Variants in TMEM117 observed in about 807,000 individuals in gnomAD.
TMEM117 encodes transmembrane protein 117.
TMEM117 carries 27 observed loss-of-function variants against 52.4 expected under a neutral mutation model. The ratio of observed to expected loss-of-function variants is 0.51; its 90% confidence interval spans 0.38 to 0.71. The LOEUF (loss-of-function observed/expected upper bound fraction) is 0.71. Among genes scored for constraint, TMEM117 ranks in the 30% least tolerant of loss-of-function variants. The pLI is 0.00. For missense variants in TMEM117, 556 were observed against 630.5 expected (o/e 0.88, Z 1.26); for synonymous variants, 215 against 206.3 (o/e 1.04, Z -0.36).
chr12:44,086,869 C>T (rs1947576961), intron 3 of TMEM117, among the ~76,000 whole-genome samples: 1 of 151,176 alleles, frequency 6.6e-6, no homozygotes, highest in South Asian at 2.1e-4. Context: ...TTGTTTCCAT[C>T]GGACAGCAAA....
chr12:44,091,510 C>T (rs1488647575), intron 3 of TMEM117, among the ~76,000 whole-genome samples: 1 of 152,114 alleles, frequency 6.6e-6, no homozygotes, highest in Non-Finnish European at 1.5e-5. Flanking sequence ...GTAATTTGTA[C>T]AATGTCAAAC....
rs549540807 is a variant in TMEM117, at chr12:44,357,558, T to A, written c.769-19037T>A. Among the ~76,000 whole-genome samples the A allele has an allele frequency of 4.6e-5, 7 of 152,126 alleles. No homozygotes were observed. In the South Asian group the frequency reaches 1.0e-3, roughly 23 times the overall value. On this transcript the variant is annotated intron_variant, in intron 6 of 7. Coordinates refer to ENST00000266534, the MANE Select transcript of TMEM117 (RefSeq NM_032256.3). ...AGAACATTCTAAGTGTCAGAACTTT[T>A]AAAAATGGTAGCGTTTCCATGTTAC...
chr12:43,909,629 C>A, intron 2 of TMEM117, among the ~76,000 whole-genome samples: 1 of 151,872 alleles, frequency 6.6e-6, no homozygotes, highest in Non-Finnish European at 1.5e-5. Flanking sequence ...AAAGAAGAAT[C>A]AAATAGATGC....
chr12:44,010,101 G>A, intron 3 of TMEM117: 1 of 478,508 alleles, frequency 2.1e-6, no homozygotes. Flanking sequence ...GCCCCCATCT[G>A]GGGGTTCAAG....
chr12:43,884,029 A>G, intron 2 of TMEM117, among the ~76,000 whole-genome samples: 1 of 151,736 alleles, frequency 6.6e-6, no homozygotes, highest in Non-Finnish European at 1.5e-5. Flanking sequence ...CCAGCTACTC[A>G]GGAAGCTGAG....
chr12:43,883,203 A>G (rs17093833), intron 2 of TMEM117, among the ~76,000 whole-genome samples: 2,086 of 152,320 alleles, frequency 0.014, 34 homozygotes, highest in African/African-American at 0.048. Context: ...AAGAGGTATA[A>G]TAAATAAGCC....
chr12:43,901,076 A>T (rs1233315217), intron 2 of TMEM117, among the ~76,000 whole-genome samples: 1 of 152,172 alleles, frequency 6.6e-6, no homozygotes, highest in Non-Finnish European at 1.5e-5. Flanking sequence ...ACATTTTTGT[A>T]TATAAATCTT....
chr12:43,818,453 T>TA, the TMEM117 span, among the ~76,000 whole-genome samples: 1 of 152,090 alleles, frequency 6.6e-6, no homozygotes, highest in Non-Finnish European at 1.5e-5. Context: ...TGTTTTTATT[T>TA]TTTTTGAGAT....
At chr12:43,989,983 G>T (rs919257230) in intron 3 of TMEM117, among the ~76,000 whole-genome samples, 1 of 152,078 alleles carries the variant, frequency 6.6e-6, no homozygotes, top group African/African-American at 2.4e-5. Context: ...CTAGCTCTCA[G>T]ATGGCATTTT....
chr12:43,982,933 G>A (rs144050254), intron 3 of TMEM117, among the ~76,000 whole-genome samples: 106 of 152,196 alleles, frequency 7.0e-4, no homozygotes, highest in Middle Eastern at 6.8e-3. Context: ...TTATTCTAAA[G>A]CAGATTAACA....
chr12:44,162,015 G>C (rs2138256410), intron 4 of TMEM117, among the ~76,000 whole-genome samples: 1 of 152,228 alleles, frequency 6.6e-6, no homozygotes, highest in Middle Eastern at 3.4e-3. Context: ...ACTTTATGCA[G>C]TCATTTGGGA....
intron 2 of TMEM117, among the ~76,000 whole-genome samples, chr12:43,864,057 C>T (rs1468244582): frequency 1.8e-4 from 27 of 152,204 alleles, no homozygotes; most frequent in East Asian, 3.9e-4. Context: ...GTGGAGGGTG[C>T]GCTGGGTCCC....
the TMEM117 span, among the ~76,000 whole-genome samples, chr12:43,808,349 G>C: frequency 6.6e-6 from 1 of 152,176 alleles, no homozygotes; most frequent in Non-Finnish European, 1.5e-5. Flanking sequence ...AAGTTCCTAA[G>C]AGAAAGCACG....
In TMEM117 at chr12:44,367,159, C is replaced by T. The variant is rs374525255; in HGVS notation, c.769-9436C>T. On this transcript the variant is annotated intron_variant, in intron 6 of 7. Coordinates refer to ENST00000266534, the MANE Select transcript of TMEM117 (RefSeq NM_032256.3). ...TCTAATCATAGTCTCTCTCCAGTTA[C>T]TGCCTCTTCACCCTACTTCAACTAA... 3.9e-5 allele frequency among the ~76,000 whole-genome samples: 6 copies of T among 152,138 alleles called. No individual in the cohort carries two copies. The East Asian group carries it at 1.2e-3, about 29-fold the overall frequency.
chr12:44,201,912 T>G (rs1251193098), intron 4 of TMEM117, among the ~76,000 whole-genome samples: 3 of 152,122 alleles, frequency 2.0e-5, no homozygotes, highest in Non-Finnish European at 4.4e-5. Context: ...TAAAATATTT[T>G]TATTTTCTCA....
chr12:44,202,509 G>A (rs988928813), intron 4 of TMEM117, among the ~76,000 whole-genome samples: 9 of 152,224 alleles, frequency 5.9e-5, no homozygotes, highest in African/African-American at 1.9e-4. Flanking sequence ...TGATTGTGGC[G>A]GATTAGCTTT....
the TMEM117 span, among the ~76,000 whole-genome samples, chr12:43,803,560 G>A: frequency 6.6e-6 from 1 of 152,118 alleles, no homozygotes; most frequent in Non-Finnish European, 1.5e-5. Flanking sequence ...AACTTAGGAA[G>A]TAGTGCCATT....
chr12:44,299,978 C>G (rs1950819161), intron 6 of TMEM117, among the ~76,000 whole-genome samples: 1 of 151,988 alleles, frequency 6.6e-6, no homozygotes, highest in Non-Finnish European at 1.5e-5. Context: ...CCCCTAGAAA[C>G]CATATAGCAC....
chr12:43,877,145 G>A (rs1943811493), intron 2 of TMEM117, among the ~76,000 whole-genome samples: 1 of 151,984 alleles, frequency 6.6e-6, no homozygotes, highest in African/African-American at 2.4e-5. Context: ...TAAAAATTAT[G>A]CTCATTTGCA....
Sources: allele counts gnomAD v4.1 joint callset (sites outside exome capture counted in the v4.1 genomes callset), GRCh38; gene constraint gnomAD v4.1.1; transcripts MANE v1.5; gene names NCBI Gene and HGNC (gene_info 2026-07-23, HGNC 2026-07-21).